The following DNAH17 variants were observed in gnomAD, a reference collection of about 807,000 sequenced individuals.
DNAH17 encodes axonemal beta dynein heavy chain 17.
In DNAH17, 376 loss-of-function variants were observed where a neutral mutation model predicts 485.6. The ratio of observed to expected loss-of-function variants is 0.77; its 90% CI spans 0.71 to 0.84. The LOEUF (loss-of-function observed/expected upper bound fraction) is 0.84. Among genes scored for constraint, DNAH17 ranks in the 40% least tolerant of loss-of-function variants. The pLI is 0.00. For missense variants in DNAH17, 6,370 were observed against 5,839.3 expected, an observed-to-expected ratio of 1.09 and a Z score of -2.96; for synonymous variants, 3,031 against 2,405.9, an observed-to-expected ratio of 1.26 and a Z score of -7.60.
rs750525533 is a variant in DNAH17 at position 78,505,443 on chromosome 17, C to T, written c.4806G>A (p.Val1602=). The change falls in exon 31 of 81, where the codon GTG becomes GTA. Residue 1602 remains valine (V), a splice_region_variant and synonymous_variant. Transcript: ENST00000389840. ...ILSNGNDPVE[V]SRHLSKLFDS... ...CGAAGAGTTTGGACAGGTGGCGGCT[C>T]ACCTGGGAGGAGGCAAGAAGCGGGA... The T allele has an allele frequency of 3.5e-5, 56 of 1,613,836 alleles. No homozygotes were observed. In the Admixed American group the frequency reaches 9.3e-4, roughly 27 times the overall value.
At chr17:78,457,657 CT>C (rs71160297) in intron 62 of DNAH17, among the ~76,000 whole-genome samples, 43,742 of 66,804 alleles carry the variant, frequency 0.65, 13,225 homozygotes, top group East Asian at 0.79. Context: ...CCGTGCCTGG[CT>C]TTTTTTTTTT....
intron 69 of DNAH17, among the ~76,000 whole-genome samples, chr17:78,448,246 T>A (rs1427443523): frequency 6.6e-6 from 1 of 151,166 alleles, no homozygotes; most frequent in Non-Finnish European, 1.5e-5. Flanking sequence ...ACACTTGTAT[T>A]CCCAGCTACA....
Position 78,484,745 on chromosome 17 carries a change from C to A in DNAH17, c.7649+123G>T. 4 of 438,024 alleles carry A rather than the reference C, an allele frequency of 9.1e-6. 1 individual carries two copies. The South Asian group carries it at 1.1e-4, about 13-fold the overall frequency. 27.1% of individuals were successfully genotyped at this position (438,024 alleles called of 1,614,324 possible). A position where few individuals can be genotyped will look rare whatever the true frequency, so the allele number is the denominator to read the frequency against. ...TCCCTACCCACGTTGCAGCACCCCC[C>A]CCACCGCCCCACACCAGTCCTGCCC... On this transcript the variant is annotated intron_variant, in intron 48 of 80. Coordinates refer to ENST00000389840, the MANE Select transcript of DNAH17 (RefSeq NM_173628.4).
At chr17:78,497,823 A>G (rs2090127826) in intron 37 of DNAH17, among the ~76,000 whole-genome samples, 1 of 152,192 alleles carries the variant, frequency 6.6e-6, no homozygotes, top group Non-Finnish European at 1.5e-5. Context: ...TGCCAAGCCG[A>G]GAGTCAGGGG....
intron 21 of DNAH17, among the ~76,000 whole-genome samples, 168 bp downstream of exon 21, chr17:78,530,175 G>A (rs1390474890): frequency 2.0e-5 from 3 of 152,230 alleles, no homozygotes; most frequent in African/African-American, 7.2e-5. Flanking sequence ...GCAGCCCGGT[G>A]ACACCTTTCT....
chr17:78,499,340 C>G (rs1204284876), intron 36 of DNAH17: 5 of 383,078 alleles, frequency 1.3e-5, no homozygotes, highest in African/African-American at 4.2e-5. Context: ...CCTTGCCTCC[C>G]AGACCCCAGG....
At chr17:78,426,167 AT>A (rs2146406022) in intron 79 of DNAH17, among the ~76,000 whole-genome samples, 1 of 152,276 alleles carries the variant, frequency 6.6e-6, no homozygotes, top group East Asian at 1.9e-4. Context: ...TCTTGCCTTC[AT>A]TGCCTCGCTC....
chr17:78,521,976 A>G (rs1162764937), intron 25 of DNAH17, among the ~76,000 whole-genome samples: 3 of 152,114 alleles, frequency 2.0e-5, no homozygotes, highest in Non-Finnish European at 4.4e-5. Flanking sequence ...ACAGAGTGAG[A>G]CTCCGCCTCA....
intron 43 of DNAH17, 78 bp downstream of exon 43, chr17:78,491,365 T>C: frequency 6.5e-7 from 1 of 1,542,368 alleles, no homozygotes; most frequent in Middle Eastern, 1.7e-4. Flanking sequence ...GCCTGAGTGC[T>C]CCGTAGGCGC....
At chr17:78,451,363 C>G (rs935223237) in intron 66 of DNAH17, 106 bp downstream of exon 66, 1 of 1,047,706 alleles carries the variant, frequency 9.5e-7, no homozygotes, top group Non-Finnish European at 1.4e-6. Flanking sequence ...AGAGAAGCAA[C>G]GACACACACT....
chr17:78,466,869 C>G lies in DNAH17; in HGVS notation c.8779-53G>C. 2.0e-6 allele frequency: 3 copies of G among 1,465,244 alleles called. No homozygotes were observed. The South Asian group carries it at 4.1e-5, about 20-fold the overall frequency. 90.8% of individuals were successfully genotyped at this position (1,465,244 alleles called of 1,614,324 possible). A position where few individuals can be genotyped will look rare whatever the true frequency, so the allele number is the denominator to read the frequency against. On this transcript the variant is annotated intron_variant, in intron 55 of 80. Transcript: ENST00000389840. ...CCTACTGGGACTGCAGTGCTGGGGC[C>G]TAATCCATCACTCTGCAGAAAGCTC...
intron 74 of DNAH17, among the ~76,000 whole-genome samples, chr17:78,436,575 C>A (rs1214954074): frequency 2.0e-5 from 3 of 151,208 alleles, no homozygotes; most frequent in Non-Finnish European, 2.9e-5. Flanking sequence ...GCAGGAGCAC[C>A]CCCGAGGACA....
intron 33 of DNAH17, 86 bp downstream of exon 33, chr17:78,502,505 G>T: frequency 1.6e-6 from 2 of 1,278,046 alleles, no homozygotes; most frequent in Non-Finnish European, 2.1e-6. Context: ...TACTCGCCCG[G>T]CAGGTTTCAG....
intron 1 of DNAH17, among the ~76,000 whole-genome samples, chr17:78,576,454 G>C (rs979567984): frequency 6.6e-6 from 1 of 152,142 alleles, no homozygotes; most frequent in African/African-American, 2.4e-5. Context: ...GCACATCTGT[G>C]AAAGAAAAAG....
intron 75 of DNAH17, among the ~76,000 whole-genome samples, chr17:78,432,159 A>G (rs2086696571): frequency 6.6e-6 from 1 of 151,580 alleles, no homozygotes. Flanking sequence ...TGCCCCAGTT[A>G]ACAGTGAGGC....
intron 20 of DNAH17, among the ~76,000 whole-genome samples, chr17:78,531,993 A>G (rs925992483): frequency 6.6e-6 from 1 of 152,196 alleles, no homozygotes; most frequent in African/African-American, 2.4e-5. Context: ...TATGCAAATG[A>G]GCCAACCCGG....
In DNAH17 at chr17:78,474,658, T is replaced by C. The variant is rs139969770; in HGVS notation, c.8511+620A>G. ...TGTGGACTTGTGTCCATCGAGTAGT[T>C]GACAGACACACTCTTCACCTCAGTC... On this transcript the variant is annotated intron_variant, in intron 54 of 80. Transcript: ENST00000389840. Among the ~76,000 whole-genome samples the C allele has an allele frequency of 2.4e-3, 353 of 147,530 alleles. 5 individuals carry two copies. Among genetic ancestry groups the C allele is most frequent in the East Asian group, 0.021 (108 of 5,050 alleles).
At chr17:78,436,289 G>A (rs2086848883) in intron 74 of DNAH17, among the ~76,000 whole-genome samples, 1 of 152,160 alleles carries the variant, frequency 6.6e-6, no homozygotes, top group East Asian at 1.9e-4. Flanking sequence ...CTAGCCAGGA[G>A]TGGTGGTGGG....
chr17:78,574,158 C>T (rs1158359685), intron 2 of DNAH17, among the ~76,000 whole-genome samples: 1 of 152,194 alleles, frequency 6.6e-6, no homozygotes, highest in Non-Finnish European at 1.5e-5. Context: ...GCTTCTCAGA[C>T]TTCAAGGGCA....
Sources: allele counts gnomAD v4.1 joint callset (sites outside exome capture counted in the v4.1 genomes callset), GRCh38; gene constraint gnomAD v4.1.1; transcripts MANE v1.5; gene names NCBI Gene and HGNC (gene_info 2026-07-23, HGNC 2026-07-21).